The following SLC14A2 variants were observed in gnomAD, a reference collection of about 807,000 sequenced individuals.
SLC14A2 encodes urea transporter 2.
A neutral mutation model predicts 104.6 loss-of-function variants in SLC14A2; 91 were observed. The observed-to-expected ratio is 0.87, with a 90% CI of 0.73 to 1.04. SLC14A2 has a LOEUF of 1.04. Ranked by LOEUF, SLC14A2 falls within the 50% of genes least tolerant of loss-of-function variation. The pLI is 0.00. For synonymous variants in SLC14A2, 476 were observed against 466.4 expected (o/e 1.02, Z -0.27); for missense variants, 1,189 against 1,156.0 (o/e 1.03, Z -0.41).
chr18:45,603,693 G>A (rs1212187548), intron 2 of SLC14A2, among the ~76,000 whole-genome samples: 3 of 152,108 alleles, frequency 2.0e-5, no homozygotes, highest in Admixed American at 6.5e-5. Flanking sequence ...TCCTAACAGT[G>A]TGCCAGAGCT....
chr18:45,331,373 T>C (rs2144261063), intron 1 of SLC14A2, among the ~76,000 whole-genome samples: 1 of 152,330 alleles, frequency 6.6e-6, no homozygotes, highest in East Asian at 1.9e-4. Context: ...ACCCTCTCTT[T>C]TTTAGTTTTT....
intron 2 of SLC14A2, among the ~76,000 whole-genome samples, chr18:45,597,116 G>T (rs771628921): frequency 6.6e-6 from 1 of 152,186 alleles, no homozygotes; most frequent in African/African-American, 2.4e-5. Flanking sequence ...TCAGGAGTTC[G>T]AGACCAGCCT....
intron 2 of SLC14A2, among the ~76,000 whole-genome samples, chr18:45,542,045 T>C (rs796309753): frequency 8.2e-6 from 1 of 121,806 alleles, no homozygotes; most frequent in Admixed American, 8.6e-5. Context: ...GTTTTTTTTT[T>C]TTTTTTTTTT....
chr18:45,364,126 T>C (rs922459537), intron 1 of SLC14A2, among the ~76,000 whole-genome samples: 34 of 152,324 alleles, frequency 2.2e-4, no homozygotes, highest in African/African-American at 7.2e-4. Flanking sequence ...TGTAGCTGTC[T>C]GAGTCACTCC....
At chr18:45,457,407 A>T (rs1365093887) in intron 1 of SLC14A2, among the ~76,000 whole-genome samples, 51 of 152,250 alleles carry the variant, frequency 3.3e-4, no homozygotes, top group Non-Finnish European at 8.8e-5. Context: ...AACTGCATAT[A>T]TGTGCAGAGG....
chr18:45,327,457 T>C (rs1048243852), intron 1 of SLC14A2, among the ~76,000 whole-genome samples: 2 of 151,986 alleles, frequency 1.3e-5, no homozygotes, highest in African/African-American at 4.8e-5. Flanking sequence ...CCACTATCCA[T>C]CTCCAGACCT....
intron 1 of SLC14A2, among the ~76,000 whole-genome samples, chr18:45,343,240 C>T (rs534613944): frequency 1.7e-4 from 26 of 150,194 alleles, no homozygotes; most frequent in Non-Finnish European, 3.4e-4. Flanking sequence ...TGCATTGTGT[C>T]TCTCTCTCAG....
At chr18:45,389,314 A>T (rs1252877632) in intron 1 of SLC14A2, among the ~76,000 whole-genome samples, 3 of 152,228 alleles carry the variant, frequency 2.0e-5, no homozygotes, top group African/African-American at 7.2e-5. Context: ...TCTCTATCTC[A>T]TAAATATGGA....
chr18:45,550,806 G>A (rs184605774), intron 2 of SLC14A2, among the ~76,000 whole-genome samples: 20 of 152,184 alleles, frequency 1.3e-4, no homozygotes, highest in African/African-American at 4.3e-4. Context: ...TTCCTTCTGG[G>A]ACAGGTCCTG....
intron 2 of SLC14A2, among the ~76,000 whole-genome samples, chr18:45,498,139 A>G (rs934114123): frequency 6.6e-6 from 1 of 152,272 alleles, no homozygotes; most frequent in African/African-American, 2.4e-5. Flanking sequence ...ATAGAAAGTG[A>G]CAAATATAAT....
At chr18:45,458,021 G>GA (rs545782982) in intron 1 of SLC14A2, among the ~76,000 whole-genome samples, 4 of 151,976 alleles carry the variant, frequency 2.6e-5, no homozygotes, top group South Asian at 4.2e-4. Flanking sequence ...AATGGTGTTG[G>GA]AAAAAAAATG....
At chr18:45,302,985 T>G (rs1599658239) in intron 1 of SLC14A2, among the ~76,000 whole-genome samples, 2 of 151,858 alleles carry the variant, frequency 1.3e-5, no homozygotes, top group Non-Finnish European at 2.9e-5. Context: ...GGGTCTTAGG[T>G]TGTGGTTGAT....
At position 45,586,963 on chromosome 18, in the gene SLC14A2, A is replaced by G. The variant is rs78529877; in HGVS notation, c.-34-37668A>G. Among the ~76,000 whole-genome samples the G allele has an allele frequency of 7.9e-3, 1,179 of 149,058 alleles. 14 individuals are homozygous for G. The highest frequency in any genetic ancestry group is 0.027 in the African/African-American group (1,112 of 40,830). On this transcript the variant is annotated intron_variant, in intron 2 of 20. Coordinates refer to the SLC14A2 transcript ENST00000586448. ...GAGTAAGAATAACTGTCCTTACTAG[A>G]AAAAAAAAAGTTTATTCTTCTTTAT...
At chr18:45,183,455 A>G in the SLC14A2 span, among the ~76,000 whole-genome samples, 1 of 151,990 alleles carries the variant, frequency 6.6e-6, no homozygotes, top group East Asian at 1.9e-4. Flanking sequence ...TATTTTCTCA[A>G]ACTCCTATCC....
intron 1 of SLC14A2, among the ~76,000 whole-genome samples, chr18:45,273,118 C>T (rs1886188403): frequency 6.6e-6 from 1 of 152,050 alleles, no homozygotes; most frequent in South Asian, 2.1e-4. Flanking sequence ...CGAGGTGTCC[C>T]GATATCATCA....
At chr18:45,595,294 A>C (rs192559943) in intron 2 of SLC14A2, among the ~76,000 whole-genome samples, 120 of 149,542 alleles carry the variant, frequency 8.0e-4, no homozygotes, top group African/African-American at 2.7e-3. Flanking sequence ...GTGAGGAATT[A>C]ATGATAGTTA....
At chr18:45,353,490 A>G (rs2085522167) in intron 1 of SLC14A2, among the ~76,000 whole-genome samples, 1 of 152,242 alleles carries the variant, frequency 6.6e-6, no homozygotes, top group African/African-American at 2.4e-5. Context: ...GAAAATATTT[A>G]TGACTGGATC....
rs1367049409 is a variant in SLC14A2 at position 45,576,332 on chromosome 18, G to A, written c.-34-48299G>A. Among the ~76,000 whole-genome samples the A allele has an allele frequency of 2.1e-5, 3 of 145,304 alleles. No homozygotes were observed. The Admixed American group carries it at 2.1e-4, about 10-fold the overall frequency. ...TCTCACTCACTCTGTCGCCCAGGCT[G>A]GAGTACAATGGCGCGATCTCGGCTC... On this transcript the variant is annotated intron_variant, in intron 2 of 20. Transcript: ENST00000586448.
chr18:45,611,378 G>A (rs1434626585), upstream of SLC14A2, among the ~76,000 whole-genome samples: 6 of 152,124 alleles, frequency 3.9e-5, no homozygotes, highest in East Asian at 1.2e-3. Flanking sequence ...AGGTTCTGTT[G>A]AAAAGGAAGA....
Sources: allele counts gnomAD v4.1 joint callset (sites outside exome capture counted in the v4.1 genomes callset), GRCh38; gene constraint gnomAD v4.1.1; transcripts MANE v1.5; gene names NCBI Gene and HGNC (gene_info 2026-07-23, HGNC 2026-07-21).